HERC6: variants seen among roughly 807,000 people sequenced by gnomAD.
The protein encoded by HERC6 is probable E3 ubiquitin-protein ligase HERC6.
Under a neutral mutation model 114.5 loss-of-function variants are expected in HERC6, and 101 were observed. The ratio of observed to expected loss-of-function variants is 0.88; its 90% CI spans 0.75 to 1.04. HERC6 has a LOEUF of 1.04. Among genes scored for constraint, HERC6 ranks in the 50% least tolerant of loss-of-function variants. HERC6 has a pLI of 0.00. For missense variants in HERC6, 1,133 were observed against 1,230.9 expected (o/e 0.92, Z 1.19); for synonymous variants, 408 against 436.2 (o/e 0.94, Z 0.81).
chr4:88,381,801 C>T (rs1007728901), intron 1 of HERC6, among the ~76,000 whole-genome samples: 3 of 152,134 alleles, frequency 2.0e-5, no homozygotes, highest in Non-Finnish European at 1.5e-5. Context: ...CGTGATCCAC[C>T]CGCCTCGGCC....
intron 16 of HERC6, among the ~76,000 whole-genome samples, chr4:88,429,052 G>A (rs1161254452): frequency 6.6e-6 from 1 of 152,244 alleles, no homozygotes; most frequent in Admixed American, 6.5e-5. Context: ...TGGAGGACCT[G>A]CTGATCTAGG....
At position 88,416,138 on chromosome 4, in the gene HERC6, A is replaced by G. The variant is rs533609771; in HGVS notation, c.1559-1287A>G. On this transcript the variant is annotated intron_variant, in intron 12 of 22. Transcript: ENST00000264346. ...AGGTCCAGTGTCAGAGATTTTATCC[A>G]TAGGAACAATGGGAGAGCAGGTGCT... 3.9e-5 allele frequency among the ~76,000 whole-genome samples: 6 copies of G among 152,340 alleles called. No individual in the cohort carries two copies. In the South Asian group the frequency reaches 1.2e-3, roughly 32 times the overall value.
At position 88,435,722 on chromosome 4, in the gene HERC6, T is replaced by A. The variant is rs1738662715; in HGVS notation, c.2251-3T>A. On this transcript the variant is annotated splice_polypyrimidine_tract_variant and splice_region_variant and intron_variant, in intron 17 of 22. Coordinates refer to ENST00000264346, the MANE Select transcript of HERC6 (RefSeq NM_017912.4). ...CCTTAGGGATTTTTTTCTTCTTTTC[T>A]AGCCTAAACCTGAGAAGAAAAGATA... is the stretch of plus-strand genomic sequence containing the variant. 1.4e-6 allele frequency: 2 copies of A among 1,481,430 alleles called. No homozygotes were observed. Among genetic ancestry groups the A allele is most frequent in the East Asian group, 4.8e-5 (2 of 41,250 alleles). 91.8% of individuals were successfully genotyped at this position (1,481,430 alleles called of 1,614,324 possible).
In HERC6 at chr4:88,435,773, C is replaced by T; in HGVS notation, c.2299C>T (p.Leu767Phe). ...RYFLFGMLCG[L>F]SLFNLNVANL... ...TTTCCTCTTTGGAATGCTGTGTGGA[C>T]TCTCCTTATTCAATTTAAATGTTGC... Residue 767 changes from leucine (L) to phenylalanine (F), a missense_variant, in exon 18 of 23, where the codon CTC becomes TTC. Physicochemically the swap from Leu to Phe is conservative, Grantham distance 22 (BLOSUM62 0). Around this residue, in one of 3 missense-constraint regions of HERC6, gnomAD observed 388 missense variants for 445.9 expected, o/e 0.87. Transcript: ENST00000264346. 1.2e-6 allele frequency: 2 copies of T among 1,606,528 alleles called. No individual in the cohort carries two copies.
chr4:88,437,765 G>A lies in HERC6; in HGVS notation c.2539G>A (p.Val847Met), dbSNP rs965098464. ...AATTCCAAATGGGATCTCCATACCT[G>A]TGGACCAAACCAACAAGTAAGTTTT... is the stretch of plus-strand genomic sequence containing the variant. ...DLIPNGISIP[V>M]DQTNKRDYVS... The change falls in exon 20 of 23, where the codon GTG (valine) becomes ATG (methionine). Residue 847 changes from valine to methionine, a missense_variant. By Grantham distance (21) the Val-to-Met change is conservative. Coordinates refer to ENST00000264346, the MANE Select transcript of HERC6 (RefSeq NM_017912.4). 1 of 1,607,364 alleles carries A rather than the reference G, an allele frequency of 6.2e-7. No individual in the cohort carries two copies. Among genetic ancestry groups the A allele is most frequent in the Non-Finnish European group, 8.5e-7 (1 of 1,176,364 alleles).
At chr4:88,407,358 G>A (rs2148894819) in intron 10 of HERC6, among the ~76,000 whole-genome samples, 1 of 152,324 alleles carries the variant, frequency 6.6e-6, no homozygotes, top group South Asian at 2.1e-4. Flanking sequence ...TGGGATTACA[G>A]GCGTGAGCCA....
chr4:88,416,711 A>G (rs918546467), intron 12 of HERC6, among the ~76,000 whole-genome samples: 1 of 152,046 alleles, frequency 6.6e-6, no homozygotes, highest in African/African-American at 2.4e-5. Context: ...TATTTATTAA[A>G]TCTTTTTCAT....
rs756155507 is a variant in HERC6, at chr4:88,417,512, A to G, written c.1646A>G (p.Gln549Arg). The G allele has an allele frequency of 6.3e-5, 102 of 1,612,722 alleles. 1 individual carries two copies. In the South Asian group the frequency reaches 9.9e-4, roughly 16 times the overall value. The change falls in exon 13 of 23, where the codon CAG becomes CGG. Residue 549 changes from glutamine to arginine, a missense_variant. By Grantham distance (43) the Gln-to-Arg change is conservative (BLOSUM62 1). Coordinates refer to ENST00000264346, the MANE Select transcript of HERC6 (RefSeq NM_017912.4). ...GCCATCATCTCTCAGCTGCTTCATC[A>G]GACTAAAACCGAACAGGATCACTGT... ...KAAIISQLLH[Q>R]TKTEQDHCNV...
intron 1 of HERC6, among the ~76,000 whole-genome samples, chr4:88,380,292 T>A (rs1230445350): frequency 2.0e-5 from 1 of 50,072 alleles, no homozygotes. Flanking sequence ...AAATATATAA[T>A]ATATAAATAT....
intron 13 of HERC6, among the ~76,000 whole-genome samples, chr4:88,423,384 GCAGTCTCC>G (rs1415371277): frequency 6.6e-6 from 1 of 152,016 alleles, no homozygotes; most frequent in Non-Finnish European, 1.5e-5. Flanking sequence ...ACACCCAAGG[GCAGTCTCC>G]TGTTTTTGCA....
chr4:88,431,128 A>G (rs1738154829), intron 16 of HERC6, 34 bp from the exon 17 acceptor site: 2 of 1,577,836 alleles, frequency 1.3e-6, no homozygotes, highest in Non-Finnish European at 1.7e-6. Context: ...TTGTATTTTA[A>G]GTCAGGATCT....
At chr4:88,393,615 T>G (rs374802171) in intron 5 of HERC6, 33 bp downstream of exon 5, 1 of 1,361,744 alleles carries the variant, frequency 7.3e-7, no homozygotes, top group African/African-American at 1.4e-5. Flanking sequence ...TTTTTTGAGT[T>G]CCAGAGAAAT....
chr4:88,392,689 A>G (rs1158686975), intron 4 of HERC6, among the ~76,000 whole-genome samples: 12 of 152,166 alleles, frequency 7.9e-5, no homozygotes, highest in African/African-American at 2.9e-4. Flanking sequence ...GACTCTACCA[A>G]AACCACAACC....
At chr4:88,437,826 TA>T in intron 20 of HERC6, 45 bp downstream of exon 20, 1 of 1,216,912 alleles carries the variant, frequency 8.2e-7, no homozygotes, top group Non-Finnish European at 1.2e-6. Context: ...ATACTGTACA[TA>T]AAATGTTGTA....
chr4:88,411,440 A>C (rs550259953), intron 11 of HERC6, among the ~76,000 whole-genome samples: 66 of 152,320 alleles, frequency 4.3e-4, no homozygotes, highest in African/African-American at 1.5e-3. Flanking sequence ...TTCTGGCATA[A>C]CACCTACTGG....
chr4:88,401,786 T>A (rs1220248899), intron 8 of HERC6, among the ~76,000 whole-genome samples: 1 of 152,152 alleles, frequency 6.6e-6, no homozygotes, highest in Non-Finnish European at 1.5e-5. Flanking sequence ...GTTGTGATAG[T>A]TGTCTTGGGG....
chr4:88,423,608 A>G (rs1414565222), intron 13 of HERC6, among the ~76,000 whole-genome samples: 2 of 152,310 alleles, frequency 1.3e-5, no homozygotes, highest in African/African-American at 4.8e-5. Context: ...CAGTAAATCT[A>G]TGCCCTAAAA....
chr4:88,392,453 G>T lies in HERC6; in HGVS notation c.665-1035G>T, dbSNP rs190286170. Among the ~76,000 whole-genome samples, 98 of 152,106 alleles carry T rather than the reference G, an allele frequency of 6.4e-4. 1 individual carries two copies. Among genetic ancestry groups the T allele is most frequent in the African/African-American group, 2.3e-3 (96 of 41,492 alleles). ...GATCCACCCGCCTCAACCTCCCAAA[G>T]CACTGGGATTACAGGTGTGAGACAC... On this transcript the variant is annotated intron_variant, in intron 4 of 22. Transcript: ENST00000264346.
intron 4 of HERC6, among the ~76,000 whole-genome samples, chr4:88,393,143 G>A (rs1038044840): frequency 8.5e-5 from 13 of 152,218 alleles, no homozygotes; most frequent in South Asian, 8.3e-4. Context: ...CGGGCATTCC[G>A]GAAGATTAGA....
Sources: allele counts gnomAD v4.1 joint callset (sites outside exome capture counted in the v4.1 genomes callset), GRCh38; gene constraint gnomAD v4.1.1; regional missense constraint gnomAD v4.1.1; transcripts MANE v1.5; gene names NCBI Gene and HGNC (gene_info 2026-07-23, HGNC 2026-07-21).